Variants in DELE1 observed in about 807,000 individuals in gnomAD.
The protein encoded by DELE1 is DAP3 binding cell death enhancer 1.
Under a neutral mutation model 59.3 loss-of-function variants are expected in DELE1, and 54 were observed. That is an observed-to-expected ratio of 0.91 (90% CI 0.73 to 1.14). The LOEUF (loss-of-function observed/expected upper bound fraction) is 1.14. Among genes scored for constraint, DELE1 ranks in the 50% most tolerant of loss-of-function variants. The pLI, the probability that DELE1 is intolerant of heterozygous loss-of-function variation, is 0.00. For synonymous variants in DELE1, 264 were observed against 259.1 expected (o/e 1.02, Z -0.18); for missense variants, 636 against 643.9 (o/e 0.99, Z 0.13).
chr5:141,934,922 T>C, intron 10 of DELE1: 1 of 295,024 alleles, frequency 3.4e-6, no homozygotes, highest in East Asian at 7.5e-5. Context: ...CTACTGGGCC[T>C]GGTCACTTCT....
In DELE1 at chr5:141,924,498, A is replaced by G. The variant is rs1751208910; in HGVS notation, c.32-83A>G. On this transcript the variant is annotated intron_variant, in intron 1 of 11. Transcript: ENST00000432126. ...AGATAAAAGATTCCCATGTGTATCC[A>G]TGTTTAAGAACCTCTGCTGAGGCAG... is the stretch of plus-strand genomic sequence containing the variant. The G allele has an allele frequency of 6.2e-6, 5 of 800,010 alleles. No individual in the cohort carries two copies. The Admixed American group carries it at 9.6e-5, about 15-fold the overall frequency. The allele number at this position is 800,010 out of a possible 1,614,324, so 49.6% of individuals were successfully genotyped here. A position where few individuals can be genotyped will look rare whatever the true frequency, so the allele number is the denominator to read the frequency against.
In DELE1 at chr5:141,939,744, C is replaced by T; in HGVS notation, c.*985C>T. The T allele has an allele frequency of 1.0e-6, 1 of 961,208 alleles. No individual in the cohort carries two copies. The highest frequency in any genetic ancestry group is 1.2e-6 in the Non-Finnish European group (1 of 807,648). The allele number at this position is 961,208 out of a possible 1,614,324, so 59.5% of individuals were successfully genotyped here. Reference sequence around the variant, plus strand: ...TCTGCCACTTGCCTGGCCATGTCACCTTGAAGCTGTGACCTGACTCCCTAT... The same window carrying T: ...TCTGCCACTTGCCTGGCCATGTCACTTTGAAGCTGTGACCTGACTCCCTAT... On this transcript the variant is annotated 3_prime_UTR_variant, in exon 12 of 12. Coordinates refer to ENST00000432126, the MANE Select transcript of DELE1 (RefSeq NM_014773.5).
intron 11 of DELE1, 131 bp downstream of exon 11, chr5:141,937,488 G>A: frequency 9.2e-7 from 1 of 1,092,536 alleles, no homozygotes; most frequent in East Asian, 2.4e-5. Context: ...TGCAGCTTTT[G>A]GGATGGGCAC....
chr5:141,924,208 A>C (rs1400399424), intron 1 of DELE1, among the ~76,000 whole-genome samples: 1 of 152,194 alleles, frequency 6.6e-6, no homozygotes, highest in Non-Finnish European at 1.5e-5. Context: ...GAGGAGTCCA[A>C]TGGCAGGAGA....
In DELE1 at chr5:141,940,517, A is replaced by C. The variant is rs188067322; in HGVS notation, c.*1758A>C. ...AAGGCAAGAAGATTTGAGGGGGGAAAGTTGTCCACGTTTCCCTCTCTGCTT... is the reference window on the plus strand; with the variant it reads ...AAGGCAAGAAGATTTGAGGGGGGAACGTTGTCCACGTTTCCCTCTCTGCTT... On this transcript the variant is annotated 3_prime_UTR_variant, in exon 12 of 12. Transcript: ENST00000432126. 16 of 985,390 alleles carry C rather than the reference A, an allele frequency of 1.6e-5. No individual in the cohort carries two copies. The Admixed American group carries it at 3.7e-4, about 23-fold the overall frequency. 61.0% of individuals were successfully genotyped at this position (985,390 alleles called of 1,614,324 possible). A position where few individuals can be genotyped will look rare whatever the true frequency, so the allele number is the denominator to read the frequency against.
chr5:141,935,101 G>A (rs1252133578), intron 10 of DELE1: 1 of 154,396 alleles, frequency 6.5e-6, no homozygotes, highest in African/African-American at 2.4e-5. Flanking sequence ...ACAAGTGATG[G>A]TAACCCAGGG....
intron 5 of DELE1, 38 bp from the exon 6 acceptor site, chr5:141,929,951 T>A (rs891621669): frequency 1.0e-5 from 16 of 1,594,840 alleles, no homozygotes; most frequent in Non-Finnish European, 1.4e-5. Context: ...TACAACTTTC[T>A]CCTTTGCCCT....
chr5:141,928,393 C>T, intron 4 of DELE1, 95 bp downstream of exon 4: 1 of 1,396,860 alleles, frequency 7.2e-7, no homozygotes, highest in Non-Finnish European at 9.7e-7. Context: ...GAGCCATCAG[C>T]AGCTCCTTGC....
intron 10 of DELE1, chr5:141,935,101 GT>G: frequency 6.5e-6 from 1 of 154,396 alleles, no homozygotes; most frequent in East Asian, 1.9e-4. Flanking sequence ...ACAAGTGATG[GT>G]AACCCAGGGA....
At position 141,929,766 on chromosome 5, in the gene DELE1, C is replaced by T. The variant is rs533546209; in HGVS notation, c.571+26C>T. The T allele has an allele frequency of 3.1e-6, 5 of 1,612,728 alleles. No individual in the cohort carries two copies. The African/African-American group carries it at 6.7e-5, about 22-fold the overall frequency. On this transcript the variant is annotated intron_variant, in intron 5 of 11. Transcript: ENST00000432126. ...GTATGTCCCTGCCTCATGGAATCAG[C>T]AGAAGGCAGGGGGCGGTGGTGGTGA...
chr5:141,941,678 T>C lies in DELE1; in HGVS notation c.*2919T>C. The C allele has an allele frequency of 1.0e-6, 1 of 985,380 alleles. No homozygotes were observed. The highest frequency in any genetic ancestry group is 1.2e-6 in the Non-Finnish European group (1 of 829,938). The allele number at this position is 985,380 out of a possible 1,614,324, so 61.0% of individuals were successfully genotyped here. A position where few individuals can be genotyped will look rare whatever the true frequency, so the allele number is the denominator to read the frequency against. On this transcript the variant is annotated 3_prime_UTR_variant, in exon 12 of 12. Coordinates refer to ENST00000432126, the MANE Select transcript of DELE1 (RefSeq NM_014773.5). ...TTTGTGGGAAGCTCTACTGCCTCAG[T>C]TTCCCTATCCGGAGATGCTGTTTTC...
intron 7 of DELE1, among the ~76,000 whole-genome samples, chr5:141,932,717 C>T (rs758461): frequency 0.15 from 22,519 of 152,150 alleles, 2,482 homozygotes; most frequent in African/African-American, 0.32. Context: ...CTAGATGCTA[C>T]TACCAAGAGA....
At chr5:141,936,710 G>A (rs995809229) in intron 10 of DELE1, 2 of 216,022 alleles carry the variant, frequency 9.3e-6, no homozygotes, top group Non-Finnish European at 1.6e-5. Flanking sequence ...TGGGATTACA[G>A]GTGTGAGCCA....
intron 10 of DELE1, among the ~76,000 whole-genome samples, chr5:141,936,474 G>A (rs987661870): frequency 2.0e-5 from 3 of 152,286 alleles, no homozygotes; most frequent in South Asian, 2.1e-4. Context: ...TCACACTGTC[G>A]CCCTGGCTGG....
chr5:141,936,032 C>CA (rs368708455), intron 10 of DELE1, among the ~76,000 whole-genome samples: 38 of 152,222 alleles, frequency 2.5e-4, no homozygotes, highest in African/African-American at 8.9e-4. Flanking sequence ...CAACTCTTCC[C>CA]AGAAGTTTGA....
At chr5:141,935,014 G>C (rs1277691897) in intron 10 of DELE1, 2 of 169,014 alleles carry the variant, frequency 1.2e-5, no homozygotes, top group Non-Finnish European at 2.6e-5. Flanking sequence ...GGGTGGTTGT[G>C]AGGATCAAAA....
At chr5:141,927,442 C>T (rs150391184) in intron 3 of DELE1, among the ~76,000 whole-genome samples, 5,748 of 152,290 alleles carry the variant, frequency 0.038, 358 homozygotes, top group African/African-American at 0.13. Flanking sequence ...GATCCACCTG[C>T]CTCAGCCTCC....
rs761732443 is a variant in DELE1 at position 141,938,680 on chromosome 5, G to T, written c.1469G>T (p.Ser490Ile). 6.2e-7 allele frequency: 1 copy of T among 1,614,116 alleles called. No individual in the cohort carries two copies. The highest frequency in any genetic ancestry group is 8.5e-7 in the Non-Finnish European group (1 of 1,180,034). The change falls in exon 12 of 12, where the codon AGC becomes ATC. Residue 490 changes from serine to isoleucine, a missense_variant. Coordinates refer to ENST00000432126, the MANE Select transcript of DELE1 (RefSeq NM_014773.5). ...LLCRSGHLGASLEASSRAIPP... is the reference protein window; with the variant it reads ...LLCRSGHLGAILEASSRAIPP... ...TGCAGAAGTGGGCATCTCGGAGCCA[G>T]CCTGGAAGCCTCCAGCAGGGCTATT...
Position 141,941,688 on chromosome 5 carries a change from C to G in DELE1, c.*2929C>G. ...GCTCTACTGCCTCAGTTTCCCTATC[C>G]GGAGATGCTGTTTTCAGGGAGTCCT... On this transcript the variant is annotated 3_prime_UTR_variant, in exon 12 of 12. Coordinates refer to ENST00000432126, the MANE Select transcript of DELE1 (RefSeq NM_014773.5). 7.1e-6 allele frequency: 7 copies of G among 985,316 alleles called. No homozygotes were observed. The South Asian group carries it at 2.8e-4, about 40-fold the overall frequency. 61.0% of individuals were successfully genotyped at this position (985,316 alleles called of 1,614,324 possible).
Sources: allele counts gnomAD v4.1 joint callset (sites outside exome capture counted in the v4.1 genomes callset), GRCh38; gene constraint gnomAD v4.1.1; transcripts MANE v1.5; gene names NCBI Gene and HGNC (gene_info 2026-07-23, HGNC 2026-07-21).